Variants in ENOX2 observed in about 807,000 individuals in gnomAD.
The protein encoded by ENOX2 is APK1 antigen.
Under a neutral mutation model 45.0 loss-of-function variants are expected in ENOX2, and 36 were observed. The ratio of observed to expected loss-of-function variants is 0.80; its 90% CI spans 0.61 to 1.06. The LOEUF is 1.06. Among genes scored for constraint, ENOX2 ranks in the 50% least tolerant of loss-of-function variants. ENOX2 has a pLI of 0.00. For missense variants in ENOX2, 423 were observed against 462.5 expected, an observed-to-expected ratio of 0.91 and a Z score of 0.78; for synonymous variants, 174 against 152.3, an observed-to-expected ratio of 1.14 and a Z score of -1.05.
chrX:130,766,252 A>AT (rs1384974473), intron 3 of ENOX2, among the ~76,000 whole-genome samples: 3 of 111,178 alleles, frequency 2.7e-5, no homozygotes, highest in Middle Eastern at 4.7e-3. Flanking sequence ...TGTGTGTACA[A>AT]TTTTCTGAAA....
chrX:130,772,198 G>T lies in ENOX2; in HGVS notation c.-39+11349C>A, dbSNP rs146481033. On this transcript the variant is annotated intron_variant, in intron 3 of 14. Transcript: ENST00000394363. ...TGGTGCTTTGTAGCAAAGGATGACA[G>T]TCTTAACTGATGGCAAGCTGCAGCC... Among the ~76,000 whole-genome samples, 604 of 112,326 alleles carry T rather than the reference G, an allele frequency of 5.4e-3. 4 individuals carry two copies. The highest frequency in any genetic ancestry group is 0.018 in the African/African-American group (546 of 30,919).
At chrX:130,661,387 C>T (rs1329520277) in intron 9 of ENOX2, among the ~76,000 whole-genome samples, 1 of 110,132 alleles carries the variant, frequency 9.1e-6, no homozygotes, top group African/African-American at 3.3e-5. Context: ...TGGGGTTTTA[C>T]CATGTTGCCC....
At chrX:130,660,542 A>C (rs1160102822) in intron 9 of ENOX2, among the ~76,000 whole-genome samples, 1 of 111,894 alleles carries the variant, frequency 8.9e-6, no homozygotes, top group Admixed American at 9.5e-5. Context: ...AGGTGCAGGC[A>C]GGGGAAAAAC....
chrX:130,645,804 G>T (rs2036217893), intron 10 of ENOX2: 3 of 791,484 alleles, frequency 3.8e-6, no homozygotes, highest in African/African-American at 4.1e-5. Context: ...GCTGTCGCTT[G>T]TCTACTTCCT....
intron 3 of ENOX2, among the ~76,000 whole-genome samples, chrX:130,712,682 G>A (rs1296986887): frequency 8.9e-6 from 1 of 111,785 alleles, no homozygotes; most frequent in Non-Finnish European, 1.9e-5. Context: ...GATGCTGGAA[G>A]TATGCCAGCA....
chrX:130,701,535 A>G (rs2037897456), intron 4 of ENOX2, among the ~76,000 whole-genome samples: 1 of 111,672 alleles, frequency 9.0e-6, no homozygotes, highest in South Asian at 3.7e-4. Flanking sequence ...AGTACCTTCT[A>G]TGTACCAGAC....
chrX:130,731,877 C>A (rs1284788578), intron 3 of ENOX2, among the ~76,000 whole-genome samples: 2 of 111,682 alleles, frequency 1.8e-5, no homozygotes, highest in African/African-American at 6.5e-5. Context: ...TCATATGTGA[C>A]AAGCCCACAA....
chrX:130,709,387 C>G, intron 3 of ENOX2: 1 of 827,698 alleles, frequency 1.2e-6, no homozygotes, highest in East Asian at 3.2e-5. Context: ...CTTGTAAATC[C>G]CAGCACTTTG....
chrX:130,736,262 G>A (rs1171803896), intron 3 of ENOX2, among the ~76,000 whole-genome samples: 1 of 109,927 alleles, frequency 9.1e-6, no homozygotes, highest in Non-Finnish European at 1.9e-5. Context: ...TACTCAGGAG[G>A]CTGAGGCAGG....
chrX:130,774,606 CT>C (rs900702555), intron 3 of ENOX2, among the ~76,000 whole-genome samples: 1 of 111,888 alleles, frequency 8.9e-6, no homozygotes, highest in African/African-American at 3.3e-5. Flanking sequence ...AATTGTTATA[CT>C]TTGGTGTTGT....
chrX:130,772,516 T>G (rs2039765269), intron 3 of ENOX2, among the ~76,000 whole-genome samples: 1 of 111,951 alleles, frequency 8.9e-6, no homozygotes. Flanking sequence ...CTGCTCAGAC[T>G]TTATGTCAAG....
intron 2 of ENOX2, among the ~76,000 whole-genome samples, chrX:130,792,272 G>A (rs759447200): frequency 8.9e-6 from 1 of 111,874 alleles, no homozygotes; most frequent in Non-Finnish European, 1.9e-5. Flanking sequence ...GTGGAAGGAG[G>A]GAGAGGATCA....
In ENOX2 at chrX:130,849,999, AAC is replaced by A. The variant is rs747830518; in HGVS notation, c.-183+51683_-183+51684del. Reference sequence around the variant, plus strand: ...TACAGATGCCTTCATGGATCCTGTGAACACAGTTTGAAAATCTATGGGCTAAA... The same window carrying A: ...TACAGATGCCTTCATGGATCCTGTGAACAGTTTGAAAATCTATGGGCTAAA... On this transcript the variant is annotated intron_variant, in intron 2 of 14. Transcript: ENST00000394363. Among the ~76,000 whole-genome samples the A allele has an allele frequency of 3.3e-4, 37 of 111,830 alleles. No homozygotes were observed. The East Asian group carries it at 0.01, about 31-fold the overall frequency.
At chrX:130,843,522 T>C (rs1195113731) in intron 2 of ENOX2, among the ~76,000 whole-genome samples, 1 of 111,317 alleles carries the variant, frequency 9.0e-6, no homozygotes, top group Non-Finnish European at 1.9e-5. Context: ...TCAAACTTCC[T>C]GGCATGGTAA....
chrX:130,838,238 C>T (rs1467539995), intron 2 of ENOX2, among the ~76,000 whole-genome samples: 1 of 111,225 alleles, frequency 9.0e-6, no homozygotes, highest in Non-Finnish European at 1.9e-5. Flanking sequence ...AAACATTAGC[C>T]GGGCATAGTG....
chrX:130,655,488 TTACACACACACACGCACACACACG>T (rs1177864534), intron 10 of ENOX2, among the ~76,000 whole-genome samples: 2 of 111,280 alleles, frequency 1.8e-5, no homozygotes, highest in Non-Finnish European at 3.8e-5. Flanking sequence ...TCTGTCTCTT[TTACACACACACACGCACACACACG>T]TACACACACA....
intron 2 of ENOX2, among the ~76,000 whole-genome samples, chrX:130,828,847 G>A (rs777726795): frequency 4.2e-4 from 47 of 111,709 alleles, no homozygotes; most frequent in African/African-American, 1.2e-3. Flanking sequence ...CGTGAATGGC[G>A]TCTTTGTCTA....
chrX:130,857,906 A>G (rs1307026766), intron 2 of ENOX2, among the ~76,000 whole-genome samples: 1 of 111,635 alleles, frequency 9.0e-6, no homozygotes, highest in Non-Finnish European at 1.9e-5. Flanking sequence ...TTACAAATGA[A>G]CAAATTTAAA....
intron 2 of ENOX2, among the ~76,000 whole-genome samples, chrX:130,865,700 T>A (rs1338096146): frequency 8.9e-6 from 1 of 111,766 alleles, no homozygotes; most frequent in African/African-American, 3.3e-5. Context: ...ATACATTAAA[T>A]CTTCTATTCT....
Sources: gnomAD v4.1 joint callset for allele counts (sites outside exome capture counted in the v4.1 genomes callset) on GRCh38, gnomAD v4.1.1 for gene constraint, MANE v1.5 for transcripts, NCBI Gene and HGNC (gene_info 2026-07-23, HGNC 2026-07-21) for gene names.